The following NRXN1 variants were observed in gnomAD, a reference collection of about 807,000 sequenced individuals.
NRXN1 encodes the protein neurexin 1.
A neutral mutation model predicts 150.9 loss-of-function variants in NRXN1; 39 were observed. The ratio of observed to expected loss-of-function variants is 0.26; its 90% confidence interval spans 0.20 to 0.34. The LOEUF is 0.34. Ranked by LOEUF, NRXN1 falls within the 10% of genes least tolerant of loss-of-function variation. The pLI is 1.00. For synonymous variants in NRXN1, 924 were observed against 757.0 expected, an observed-to-expected ratio of 1.22 and a Z score of -3.62; for missense variants, 1,815 against 1,949.9, an observed-to-expected ratio of 0.93 and a Z score of 1.30.
At chr2:49,957,694 A>G (rs1193543722) in intron 21 of NRXN1, among the ~76,000 whole-genome samples, 2 of 152,136 alleles carry the variant, frequency 1.3e-5, no homozygotes, top group Non-Finnish European at 2.9e-5. Context: ...TCATATTTGG[A>G]GGCTCTTTGA....
intron 2 of NRXN1, among the ~76,000 whole-genome samples, chr2:50,984,182 A>C (rs1697312053): frequency 9.3e-6 from 1 of 107,950 alleles, no homozygotes; most frequent in East Asian, 2.7e-4. Flanking sequence ...ATGGGGTTTC[A>C]CCATGTTGGC....
rs143971107 is a variant in NRXN1 at position 50,183,564 on chromosome 2, T to C, written c.3546+53225A>G. ...TATTTTTAAATGTGGGATTTTGTTGTTCTTGCTGATTCAATATTTGTAGAC... is the reference window on the plus strand; with the variant it reads ...TATTTTTAAATGTGGGATTTTGTTGCTCTTGCTGATTCAATATTTGTAGAC... On this transcript the variant is annotated intron_variant, in intron 18 of 22. Coordinates refer to ENST00000401669, the MANE Select transcript of NRXN1 (RefSeq NM_001330078.2). Among the ~76,000 whole-genome samples the C allele has an allele frequency of 2.0e-3, 308 of 151,880 alleles. 1 individual carries two copies. Among genetic ancestry groups the C allele is most frequent in the African/African-American group, 7.2e-3 (300 of 41,474 alleles).
intron 17 of NRXN1, among the ~76,000 whole-genome samples, chr2:50,238,696 G>A (rs2065704709): frequency 6.6e-6 from 1 of 151,930 alleles, no homozygotes; most frequent in African/African-American, 2.4e-5. Flanking sequence ...TATTGATTTT[G>A]TGGCCATTTT....
intron 8 of NRXN1, among the ~76,000 whole-genome samples, chr2:50,586,199 C>T (rs1483710457): frequency 6.6e-6 from 1 of 152,132 alleles, no homozygotes; most frequent in African/African-American, 2.4e-5. Context: ...CTACCCAGAA[C>T]GTTCTTCCTC....
chr2:49,958,951 C>G (rs2104529096), intron 21 of NRXN1, among the ~76,000 whole-genome samples: 1 of 152,260 alleles, frequency 6.6e-6, no homozygotes, highest in African/African-American at 2.4e-5. Context: ...CAGAGAGGTT[C>G]TCAAATGAGA....
chr2:50,732,599 G>T (rs1399795475), intron 5 of NRXN1, among the ~76,000 whole-genome samples: 2 of 152,136 alleles, frequency 1.3e-5, no homozygotes, highest in Non-Finnish European at 2.9e-5. Context: ...TGGAAGGAAA[G>T]AACTCCTCCT....
At chr2:50,595,727 G>A (rs972496948) in intron 8 of NRXN1, among the ~76,000 whole-genome samples, 5 of 152,180 alleles carry the variant, frequency 3.3e-5, no homozygotes, top group African/African-American at 1.2e-4. Flanking sequence ...GGGAGAATTT[G>A]AAGGCATAAG....
chr2:50,807,395 AC>A (rs1488198822), intron 5 of NRXN1, among the ~76,000 whole-genome samples: 2 of 152,062 alleles, frequency 1.3e-5, no homozygotes, highest in African/African-American at 4.8e-5. Flanking sequence ...GTTCTATCTC[AC>A]CCCAAAAGAG....
At chr2:50,093,982 T>C (rs971574753) in intron 18 of NRXN1, among the ~76,000 whole-genome samples, 11 of 152,200 alleles carry the variant, frequency 7.2e-5, no homozygotes, top group Non-Finnish European at 1.2e-4. Context: ...AATCTAGCTG[T>C]TTTTACTACC....
intron 5 of NRXN1, among the ~76,000 whole-genome samples, chr2:50,687,746 T>C (rs1691456945): frequency 6.6e-6 from 1 of 152,200 alleles, no homozygotes; most frequent in Non-Finnish European, 1.5e-5. Flanking sequence ...GAGGTTGTTG[T>C]GAGAATTTGT....
intron 5 of NRXN1, among the ~76,000 whole-genome samples, chr2:50,891,307 C>G (rs538430471): frequency 6.6e-6 from 1 of 152,122 alleles, no homozygotes; most frequent in South Asian, 2.1e-4. Context: ...GAAATCAATA[C>G]TCATTTTAGA....
At chr2:50,393,575 T>C (rs917726663) in intron 17 of NRXN1, among the ~76,000 whole-genome samples, 4 of 152,138 alleles carry the variant, frequency 2.6e-5, no homozygotes, top group African/African-American at 9.7e-5. Context: ...AAAGTCTGGA[T>C]TTTTTGAAAA....
At chr2:50,185,271 CT>C (rs916335643) in intron 18 of NRXN1, among the ~76,000 whole-genome samples, 2 of 151,996 alleles carry the variant, frequency 1.3e-5, no homozygotes, top group African/African-American at 4.8e-5. Flanking sequence ...CTGACAATTT[CT>C]TTTTTCTCTA....
chr2:50,716,833 A>G (rs1318755869), intron 5 of NRXN1, among the ~76,000 whole-genome samples: 1 of 152,146 alleles, frequency 6.6e-6, no homozygotes, highest in Non-Finnish European at 1.5e-5. Context: ...TATCTCCTTT[A>G]TCATTAATTT....
chr2:50,138,516 T>C (rs1024317656), intron 18 of NRXN1, among the ~76,000 whole-genome samples: 3 of 152,142 alleles, frequency 2.0e-5, no homozygotes, highest in Non-Finnish European at 4.4e-5. Context: ...TAAAAAGAGA[T>C]GAAATAGACA....
At chr2:50,786,764 A>G (rs534314644) in intron 5 of NRXN1, among the ~76,000 whole-genome samples, 17 of 152,280 alleles carry the variant, frequency 1.1e-4, no homozygotes, top group Admixed American at 8.5e-4. Context: ...AGATGCTATC[A>G]TATTTTAATT....
At chr2:50,657,064 T>C (rs1366983771) in intron 5 of NRXN1, among the ~76,000 whole-genome samples, 1 of 152,016 alleles carries the variant, frequency 6.6e-6, no homozygotes, top group Admixed American at 6.6e-5. Context: ...CAACAACTTG[T>C]GTGGTTTCTC....
chr2:50,792,102 C>T (rs753049159), intron 5 of NRXN1, among the ~76,000 whole-genome samples: 6 of 152,064 alleles, frequency 3.9e-5, no homozygotes, highest in Non-Finnish European at 5.9e-5. Context: ...ATCGGAAGAA[C>T]ATTAGTCAGG....
intron 5 of NRXN1, among the ~76,000 whole-genome samples, chr2:50,634,616 A>C (rs1573903170): frequency 1.3e-5 from 2 of 152,200 alleles, no homozygotes; most frequent in Admixed American, 1.3e-4. Context: ...CTTGGGCAGA[A>C]TCACTGAATT....
Sources: allele counts gnomAD v4.1 joint callset (sites outside exome capture counted in the v4.1 genomes callset), GRCh38; gene constraint gnomAD v4.1.1; transcripts MANE v1.5; gene names NCBI Gene and HGNC (gene_info 2026-07-23, HGNC 2026-07-21).